TMEFF2: variants seen among roughly 807,000 people sequenced by gnomAD.
TMEFF2 encodes tomoregulin-2.
A neutral mutation model predicts 53.8 loss-of-function variants in TMEFF2; 28 were observed. The observed-to-expected ratio is 0.52, with a 90% confidence interval of 0.39 to 0.71. The LOEUF (loss-of-function observed/expected upper bound fraction) is 0.71. Among genes scored for constraint, TMEFF2 ranks in the 30% least tolerant of loss-of-function variants. TMEFF2 has a pLI of 0.00. For missense variants in TMEFF2, 353 were observed against 455.2 expected (o/e 0.78, Z 2.04); for synonymous variants, 162 against 166.3 (o/e 0.97, Z 0.20).
At chr2:191,959,893 T>C (rs1479302210) in intron 7 of TMEFF2, among the ~76,000 whole-genome samples, 1 of 152,176 alleles carries the variant, frequency 6.6e-6, no homozygotes, top group Non-Finnish European at 1.5e-5. Flanking sequence ...CTTTGTTTTT[T>C]AGTTTGAGAG....
intron 4 of TMEFF2, among the ~76,000 whole-genome samples, chr2:192,135,916 C>T (rs1011299783): frequency 2.3e-4 from 35 of 151,814 alleles, no homozygotes; most frequent in Non-Finnish European, 1.0e-4. Flanking sequence ...TGACCCCCGC[C>T]CCTGCCCACC....
intron 5 of TMEFF2, among the ~76,000 whole-genome samples, chr2:192,054,292 T>C (rs1687848447): frequency 6.6e-6 from 1 of 152,262 alleles, no homozygotes; most frequent in Non-Finnish European, 1.5e-5. Flanking sequence ...CAGCAACTTG[T>C]AACCAAGGCT....
chr2:191,995,888 T>C (rs1354297217), intron 7 of TMEFF2, among the ~76,000 whole-genome samples: 1 of 152,004 alleles, frequency 6.6e-6, no homozygotes, highest in East Asian at 1.9e-4. Context: ...TTAAAAGTTT[T>C]TCTTTAGAGT....
intron 7 of TMEFF2, among the ~76,000 whole-genome samples, chr2:191,973,716 A>C (rs1046165130): frequency 2.6e-5 from 4 of 152,198 alleles, no homozygotes; most frequent in African/African-American, 7.2e-5. Flanking sequence ...CTCATTTTGA[A>C]CTGTAGTTCC....
intron 4 of TMEFF2, among the ~76,000 whole-genome samples, chr2:192,131,314 C>T (rs1416964126): frequency 6.6e-6 from 1 of 150,726 alleles, no homozygotes; most frequent in African/African-American, 2.4e-5. Context: ...AGTACCCCAA[C>T]CCCTTCTCTC....
intron 7 of TMEFF2, among the ~76,000 whole-genome samples, chr2:191,984,348 T>G (rs1685925420): frequency 6.6e-6 from 1 of 152,124 alleles, no homozygotes; most frequent in Admixed American, 6.6e-5. Context: ...GGTTAGAATT[T>G]AATCTTCCTG....
In TMEFF2 at chr2:192,096,048, G is replaced by T. The variant is rs10210809; in HGVS notation, c.440-38273C>A. On this transcript the variant is annotated intron_variant, in intron 4 of 9. Transcript: ENST00000272771. ...TTTTCATAATGAGAAGTGGTATTAT[G>T]GGAATTTAAAACACTGCTCTACAGA... is the stretch of plus-strand genomic sequence containing the variant. Among the ~76,000 whole-genome samples the T allele has an allele frequency of 3.9e-3, 598 of 152,252 alleles. 4 individuals are homozygous for T. Among genetic ancestry groups the T allele is most frequent in the Non-Finnish European group, 6.6e-3 (452 of 68,014 alleles).
intron 4 of TMEFF2, among the ~76,000 whole-genome samples, chr2:192,147,138 G>A (rs955489739): frequency 2.0e-5 from 3 of 151,912 alleles, no homozygotes; most frequent in African/African-American, 7.3e-5. Flanking sequence ...ATTGATATGA[G>A]TAGTCATAAG....
At chr2:191,950,623 AGAAGTT>A (rs66845369) in intron 9 of TMEFF2, among the ~76,000 whole-genome samples, 40,431 of 151,964 alleles carry the variant, frequency 0.27, 5,517 homozygotes, top group Non-Finnish European at 0.29. Context: ...GAACACAGGC[AGAAGTT>A]GAAGAGGAAG....
chr2:191,964,323 C>CCTT (rs1692368440), intron 7 of TMEFF2, among the ~76,000 whole-genome samples: 3 of 122,444 alleles, frequency 2.5e-5, no homozygotes, highest in South Asian at 5.2e-4. Context: ...TTCCTTCCTT[C>CCTT]CTTTCTTTCC....
At chr2:192,086,275 T>C (rs948107074) in intron 4 of TMEFF2, among the ~76,000 whole-genome samples, 2 of 152,158 alleles carry the variant, frequency 1.3e-5, no homozygotes, top group African/African-American at 4.8e-5. Context: ...ATAAAGTCTA[T>C]ATAAAAGCAC....
At chr2:192,154,337 G>A (rs1018854918) in intron 4 of TMEFF2, among the ~76,000 whole-genome samples, 3 of 151,952 alleles carry the variant, frequency 2.0e-5, no homozygotes, top group Non-Finnish European at 4.4e-5. Flanking sequence ...GAGAGAGGAC[G>A]CTCTGATTGA....
At chr2:192,022,839 A>T (rs1686887217) in intron 5 of TMEFF2, among the ~76,000 whole-genome samples, 1 of 152,098 alleles carries the variant, frequency 6.6e-6, no homozygotes, top group Admixed American at 6.5e-5. Context: ...GATGTTTACT[A>T]CTTGCCAGGA....
chr2:192,095,759 C>A (rs1422541096), intron 4 of TMEFF2, among the ~76,000 whole-genome samples: 1 of 152,142 alleles, frequency 6.6e-6, no homozygotes, highest in Non-Finnish European at 1.5e-5. Context: ...GCTTTCTGCA[C>A]TCTGGGAGCG....
chr2:192,078,762 A>G (rs1218918494), intron 4 of TMEFF2, among the ~76,000 whole-genome samples: 2 of 152,334 alleles, frequency 1.3e-5, no homozygotes, highest in Non-Finnish European at 2.9e-5. Flanking sequence ...AATCGACTAT[A>G]TCAGTTCTGG....
intron 4 of TMEFF2, among the ~76,000 whole-genome samples, chr2:192,133,588 C>A (rs1689916123): frequency 6.6e-6 from 1 of 152,230 alleles, no homozygotes; most frequent in South Asian, 2.1e-4. Flanking sequence ...TGCCTATCCA[C>A]CCCATGGTGC....
chr2:192,119,695 C>T (rs1458753066), intron 4 of TMEFF2, among the ~76,000 whole-genome samples: 1 of 152,130 alleles, frequency 6.6e-6, no homozygotes, highest in Non-Finnish European at 1.5e-5. Context: ...GTTTCATTTC[C>T]TGCTTTAACT....
At chr2:192,132,299 T>G (rs2105978942) in intron 4 of TMEFF2, among the ~76,000 whole-genome samples, 1 of 152,256 alleles carries the variant, frequency 6.6e-6, no homozygotes, top group South Asian at 2.1e-4. Flanking sequence ...TTAATGCTCC[T>G]TTTTCTTTAT....
intron 7 of TMEFF2, among the ~76,000 whole-genome samples, chr2:191,964,333 C>CT (rs1350582763): frequency 2.8e-5 from 2 of 71,524 alleles, no homozygotes. Context: ...CCTTTCTTTC[C>CT]TTCTTTCTTT....
Sources: allele counts gnomAD v4.1 joint callset (sites outside exome capture counted in the v4.1 genomes callset), GRCh38; gene constraint gnomAD v4.1.1; transcripts MANE v1.5; gene names NCBI Gene and HGNC (gene_info 2026-07-23, HGNC 2026-07-21).